The following NEGR1 variants were observed in gnomAD, a reference collection of about 807,000 sequenced individuals.
The protein encoded by NEGR1 is neuronal growth regulator 1.
Under a neutral mutation model 40.9 loss-of-function variants are expected in NEGR1, and 10 were observed. That is an observed-to-expected ratio of 0.24 (90% CI 0.15 to 0.42). The LOEUF (loss-of-function observed/expected upper bound fraction) is 0.42, where lower values mean the gene tolerates loss of function less well. Among genes scored for constraint, NEGR1 ranks in the 10% least tolerant of loss-of-function variants. NEGR1 has a pLI of 1.00. For synonymous variants in NEGR1, 185 were observed against 166.8 expected, an observed-to-expected ratio of 1.11 and a Z score of -0.84; for missense variants, 352 against 438.9, an observed-to-expected ratio of 0.80 and a Z score of 1.77.
chr1:71,809,189 GT>G (rs1481643615), intron 2 of NEGR1, among the ~76,000 whole-genome samples: 2 of 152,064 alleles, frequency 1.3e-5, no homozygotes, highest in African/African-American at 2.4e-5. Flanking sequence ...AAAAGAGTGT[GT>G]GCCCTTGTGG....
chr1:71,421,489 A>G (rs1171971616), intron 6 of NEGR1: 3 of 152,124 alleles, frequency 2.0e-5, no homozygotes, highest in African/African-American at 7.2e-5. Flanking sequence ...TTTAAAAACA[A>G]TAAGTGTGTC....
intron 3 of NEGR1, among the ~76,000 whole-genome samples, chr1:71,734,769 A>C (rs1430959603): frequency 1.3e-5 from 2 of 152,106 alleles, no homozygotes; most frequent in African/African-American, 4.8e-5. Context: ...CATTAAATTC[A>C]TCAGTGCCCT....
intron 6 of NEGR1, among the ~76,000 whole-genome samples, chr1:71,546,257 A>C (rs1340350168): frequency 1.3e-5 from 2 of 151,686 alleles, no homozygotes; most frequent in African/African-American, 4.8e-5. Context: ...GGTAAAATGA[A>C]AATTTGACAG....
At chr1:72,040,667 G>A (rs1296536633) in intron 1 of NEGR1, among the ~76,000 whole-genome samples, 4 of 149,316 alleles carry the variant, frequency 2.7e-5, no homozygotes, top group African/African-American at 9.8e-5. Context: ...AATTGGGTTT[G>A]TGTGTGTATG....
At chr1:71,565,052 A>G (rs1648576602) in intron 6 of NEGR1, among the ~76,000 whole-genome samples, 1 of 152,178 alleles carries the variant, frequency 6.6e-6, no homozygotes, top group Admixed American at 6.6e-5. Flanking sequence ...AAGAATCAGT[A>G]CTGAGATCCT....
chr1:71,431,111 C>CA (rs1298114991), intron 6 of NEGR1, among the ~76,000 whole-genome samples: 2 of 141,254 alleles, frequency 1.4e-5, no homozygotes, highest in East Asian at 2.1e-4. Context: ...TAAAAAAGGT[C>CA]AAAAAAAGAC....
At chr1:71,615,467 A>T (rs1344490500) in intron 4 of NEGR1, among the ~76,000 whole-genome samples, 4 of 152,254 alleles carry the variant, frequency 2.6e-5, no homozygotes, top group Non-Finnish European at 5.9e-5. Context: ...TGAGAAAAGG[A>T]ATCATTTGGC....
chr1:72,053,196 C>T (rs1647077528), intron 1 of NEGR1, among the ~76,000 whole-genome samples: 2 of 151,174 alleles, frequency 1.3e-5, no homozygotes, highest in Non-Finnish European at 3.0e-5. Flanking sequence ...TGCAAATAAA[C>T]ATACCCTTTT....
At chr1:71,872,012 T>C (rs981559906) in intron 2 of NEGR1, among the ~76,000 whole-genome samples, 8 of 152,172 alleles carry the variant, frequency 5.3e-5, no homozygotes, top group Non-Finnish European at 1.2e-4. Context: ...TTTTAGGCTG[T>C]GCAATCTATA....
At chr1:71,815,258 G>A (rs1658160254) in intron 2 of NEGR1, among the ~76,000 whole-genome samples, 1 of 152,056 alleles carries the variant, frequency 6.6e-6, no homozygotes, top group African/African-American at 2.4e-5. Context: ...TGATTGTGCT[G>A]TGGTCTGAGA....
intron 4 of NEGR1, among the ~76,000 whole-genome samples, chr1:71,621,990 A>G (rs1650624275): frequency 6.6e-6 from 1 of 151,910 alleles, no homozygotes; most frequent in African/African-American, 2.4e-5. Context: ...TAGTTTGCTG[A>G]TGTTAAAGCA....
intron 2 of NEGR1, among the ~76,000 whole-genome samples, chr1:71,787,139 T>C (rs1291612933): frequency 1.3e-5 from 2 of 152,196 alleles, no homozygotes; most frequent in African/African-American, 4.8e-5. Flanking sequence ...TGCAGTCTTC[T>C]GAGTAAAACA....
intron 1 of NEGR1, among the ~76,000 whole-genome samples, chr1:72,159,358 C>G (rs1651473585): frequency 6.6e-6 from 1 of 151,880 alleles, no homozygotes; most frequent in African/African-American, 2.4e-5. Flanking sequence ...AACACAAGAC[C>G]CTGAATATCA....
In NEGR1 at chr1:71,399,404, T is replaced by C. The variant is rs1240817789; in HGVS notation, c.*8042A>G. ...TACAAGAAATTAATTTATTCCAAAT[T>C]TTTTTAAAAATCTGCTTTTCTCCAT... is the stretch of plus-strand genomic sequence containing the variant. On this transcript the variant is annotated 3_prime_UTR_variant, in exon 7 of 7. Coordinates refer to ENST00000357731, the MANE Select transcript of NEGR1 (RefSeq NM_173808.3). 6.6e-6 allele frequency: 1 copy of C among 152,200 alleles called. No individual in the cohort carries two copies. The highest frequency in any genetic ancestry group is 1.5e-5 in the Non-Finnish European group (1 of 68,028). The allele number at this position is 152,200 out of a possible 1,614,324, so 9.4% of individuals were successfully genotyped here.
intron 6 of NEGR1, among the ~76,000 whole-genome samples, chr1:71,481,080 T>C (rs182137308): frequency 5.9e-4 from 90 of 152,102 alleles, no homozygotes; most frequent in African/African-American, 2.0e-3. Flanking sequence ...AATGATTTCA[T>C]TTCATAACTC....
At chr1:71,460,115 C>T (rs1466173966) in intron 6 of NEGR1, among the ~76,000 whole-genome samples, 4 of 152,140 alleles carry the variant, frequency 2.6e-5, no homozygotes, top group Non-Finnish European at 5.9e-5. Context: ...TAGTAGATAA[C>T]TAATGTTAGT....
At chr1:72,026,059 C>T (rs1646805497) in intron 1 of NEGR1, among the ~76,000 whole-genome samples, 1 of 129,744 alleles carries the variant, frequency 7.7e-6, no homozygotes, top group Non-Finnish European at 1.5e-5. Flanking sequence ...TGCAGTGAGC[C>T]GAGATCCCGC....
At chr1:71,559,607 C>G (rs357208) in intron 6 of NEGR1, among the ~76,000 whole-genome samples, 89,617 of 151,314 alleles carry the variant, frequency 0.59, 26,946 homozygotes, top group Middle Eastern at 0.65. Flanking sequence ...TCTTTCACCC[C>G]AAAAGTTCCC....
intron 2 of NEGR1, among the ~76,000 whole-genome samples, chr1:71,803,233 A>G (rs2101750668): frequency 6.6e-6 from 1 of 152,246 alleles, no homozygotes; most frequent in South Asian, 2.1e-4. Flanking sequence ...TTCTTTCTGC[A>G]TACACACCAA....
Sources: gnomAD v4.1 joint callset for allele counts (sites outside exome capture counted in the v4.1 genomes callset) on GRCh38, gnomAD v4.1.1 for gene constraint, MANE v1.5 for transcripts, NCBI Gene and HGNC (gene_info 2026-07-23, HGNC 2026-07-21) for gene names.